The following KCNIP4 variants were observed in gnomAD, a reference collection of about 807,000 sequenced individuals.
KCNIP4 encodes the protein potassium voltage-gated channel interacting protein 4, also known as Kv channel-interacting protein 4.
In KCNIP4, 12 loss-of-function variants were observed where a neutral mutation model predicts 34.0. That is an observed-to-expected ratio of 0.35 (90% CI 0.23 to 0.57). KCNIP4 has a LOEUF of 0.57. Ranked by LOEUF, KCNIP4 falls within the 20% of genes least tolerant of loss-of-function variation. The pLI is 0.83. For missense variants in KCNIP4, 238 were observed against 311.7 expected, an observed-to-expected ratio of 0.76 and a Z score of 1.78; for synonymous variants, 124 against 102.2, an observed-to-expected ratio of 1.21 and a Z score of -1.29.
chr4:21,201,527 C>T (rs1490083843), intron 1 of KCNIP4, among the ~76,000 whole-genome samples: 5 of 152,194 alleles, frequency 3.3e-5, no homozygotes, highest in Admixed American at 6.5e-5. Flanking sequence ...GATGGACTCT[C>T]GCTCTCTGTT....
intron 1 of KCNIP4, among the ~76,000 whole-genome samples, chr4:21,436,868 G>T (rs1469089207): frequency 6.6e-6 from 1 of 152,076 alleles, no homozygotes; most frequent in African/African-American, 2.4e-5. Context: ...ACTTATCTTT[G>T]GATACCCCTA....
chr4:21,632,483 AC>A (rs1196563832), intron 1 of KCNIP4, among the ~76,000 whole-genome samples: 1 of 152,166 alleles, frequency 6.6e-6, no homozygotes, highest in Non-Finnish European at 1.5e-5. Context: ...GCTTGGCCTC[AC>A]AAATTGCTGG....
chr4:21,632,761 C>T (rs1482991928), intron 1 of KCNIP4, among the ~76,000 whole-genome samples: 5 of 152,076 alleles, frequency 3.3e-5, no homozygotes, highest in Admixed American at 2.0e-4. Flanking sequence ...CATATAGGTG[C>T]CACAAGAAGG....
chr4:20,878,590 C>G (rs1446534149), intron 2 of KCNIP4, among the ~76,000 whole-genome samples: 1 of 152,194 alleles, frequency 6.6e-6, no homozygotes, highest in East Asian at 1.9e-4. Flanking sequence ...AGGTAGTAAA[C>G]TGTGTTCCAC....
chr4:20,856,269 ATCT>A lies in KCNIP4; in HGVS notation c.164-5605_164-5603del, dbSNP rs139145969. 7.7e-3 allele frequency among the ~76,000 whole-genome samples: 1,177 copies of A among 152,328 alleles called. 13 individuals carry two copies. Among genetic ancestry groups the A allele is most frequent in the African/African-American group, 0.027 (1,140 of 41,568 alleles). On this transcript the variant is annotated intron_variant, in intron 2 of 8. Transcript: ENST00000382152. ...GCTTTCTTGAACAATGTCTGATGTA[ATCT>A]TCTTTTGAATCATTTATAGTGCAAG...
At chr4:21,365,478 AAAAT>A (rs3048729) in intron 1 of KCNIP4, among the ~76,000 whole-genome samples, 8,989 of 131,942 alleles carry the variant, frequency 0.068, 325 homozygotes, top group South Asian at 0.1. Context: ...ACTGTCTCAA[AAAAT>A]AAATAAATAA....
chr4:20,835,144 C>A (rs1718883567), intron 3 of KCNIP4, among the ~76,000 whole-genome samples: 1 of 152,102 alleles, frequency 6.6e-6, no homozygotes, highest in Non-Finnish European at 1.5e-5. Context: ...GCATTCAATG[C>A]CTGTTTTTTG....
chr4:21,239,510 A>G (rs1254467530), intron 1 of KCNIP4, among the ~76,000 whole-genome samples: 1 of 152,092 alleles, frequency 6.6e-6, no homozygotes, highest in Non-Finnish European at 1.5e-5. Flanking sequence ...ATCTACAATG[A>G]ACTCAAGCGA....
intron 1 of KCNIP4, among the ~76,000 whole-genome samples, chr4:21,237,791 A>G (rs137886906): frequency 0.072 from 10,994 of 152,288 alleles, 606 homozygotes; most frequent in Non-Finnish European, 0.11. Context: ...GCCGAATTCT[A>G]CCAGAGGTAC....
At position 21,644,170 on chromosome 4, in the gene KCNIP4, A is replaced by G. The variant is rs545825152; in HGVS notation, c.61+304401T>C. Among the ~76,000 whole-genome samples the G allele has an allele frequency of 2.0e-5, 3 of 152,302 alleles. No individual in the cohort carries two copies. The East Asian group carries it at 5.8e-4, about 29-fold the overall frequency. On this transcript the variant is annotated intron_variant, in intron 1 of 8. Coordinates refer to ENST00000382152, the MANE Select transcript of KCNIP4 (RefSeq NM_025221.6). ...CTCCATGAACTCAAGATTGCAATGT[A>G]GTTACCATCTACAGAGATCCAGAGT...
chr4:21,808,306 C>T (rs1365976729), intron 1 of KCNIP4, among the ~76,000 whole-genome samples: 2 of 152,070 alleles, frequency 1.3e-5, no homozygotes, highest in Non-Finnish European at 2.9e-5. Flanking sequence ...TTCTGCCACA[C>T]CTTAGATAGG....
intron 1 of KCNIP4, among the ~76,000 whole-genome samples, chr4:21,727,264 T>C (rs2109104789): frequency 1.3e-5 from 2 of 152,264 alleles, no homozygotes; most frequent in Middle Eastern, 6.8e-3. Flanking sequence ...CCTTTCTCTC[T>C]TCTGTCCTTC....
intron 1 of KCNIP4, among the ~76,000 whole-genome samples, chr4:21,592,853 C>A (rs149928053): frequency 4.6e-5 from 7 of 151,782 alleles, no homozygotes; most frequent in African/African-American, 1.7e-4. Flanking sequence ...GTGTTTGAAG[C>A]GAGAAAGGAA....
At chr4:21,149,130 T>C (rs1239472410) in intron 1 of KCNIP4, among the ~76,000 whole-genome samples, 2 of 152,182 alleles carry the variant, frequency 1.3e-5, no homozygotes, top group Non-Finnish European at 2.9e-5. Flanking sequence ...GAAGATTATA[T>C]GAAGAGAAAG....
intron 1 of KCNIP4, among the ~76,000 whole-genome samples, chr4:21,250,319 T>C (rs988774035): frequency 2.6e-5 from 4 of 152,082 alleles, no homozygotes; most frequent in Non-Finnish European, 4.4e-5. Context: ...TTTAAAACAT[T>C]ATGAAACTTC....
At chr4:21,495,060 A>T (rs1038831261) in intron 1 of KCNIP4, among the ~76,000 whole-genome samples, 11 of 152,168 alleles carry the variant, frequency 7.2e-5, no homozygotes, top group African/African-American at 2.7e-4. Context: ...ATATATTTTT[A>T]AAAGCATCAT....
intron 5 of KCNIP4, among the ~76,000 whole-genome samples, chr4:20,741,366 A>G (rs963596020): frequency 2.8e-4 from 43 of 152,204 alleles, no homozygotes; most frequent in Admixed American, 1.8e-3. Context: ...ATTATAACAA[A>G]CTGTCTCTCA....
chr4:20,899,038 T>A (rs1433837050), intron 1 of KCNIP4, among the ~76,000 whole-genome samples: 1 of 152,212 alleles, frequency 6.6e-6, no homozygotes, highest in Non-Finnish European at 1.5e-5. Flanking sequence ...TGTACATTCT[T>A]GGCAGTTAAA....
At chr4:21,596,484 T>C (rs972856177) in intron 1 of KCNIP4, among the ~76,000 whole-genome samples, 1 of 152,138 alleles carries the variant, frequency 6.6e-6, no homozygotes, top group Non-Finnish European at 1.5e-5. Context: ...TTGTCTTTCT[T>C]AACTTGGCAT....
Sources: gnomAD v4.1 joint callset for allele counts (sites outside exome capture counted in the v4.1 genomes callset) on GRCh38, gnomAD v4.1.1 for gene constraint, MANE v1.5 for transcripts, NCBI Gene and HGNC (gene_info 2026-07-23, HGNC 2026-07-21) for gene names.